The following RTN4 variants were observed in gnomAD, a reference collection of about 807,000 sequenced individuals.
RTN4 encodes reticulon-4.
Under a neutral mutation model 90.4 loss-of-function variants are expected in RTN4, and 32 were observed. The observed-to-expected ratio is 0.35, with a 90% CI of 0.27 to 0.48. RTN4 has a LOEUF of 0.48. Among genes scored for constraint, RTN4 ranks in the 20% least tolerant of loss-of-function variants. RTN4 has a pLI of 0.99. For missense variants in RTN4, 1,706 were observed against 1,430.2 expected (o/e 1.19, Z -3.11); for synonymous variants, 629 against 552.5 (o/e 1.14, Z -1.94).
chr2:55,019,234 T>G (rs1681254124), intron 3 of RTN4, among the ~76,000 whole-genome samples: 1 of 152,206 alleles, frequency 6.6e-6, no homozygotes, highest in Non-Finnish European at 1.5e-5. Context: ...ACAGGAATGC[T>G]GAGGGTCAAA....
chr2:55,010,780 T>C (rs752145125), intron 3 of RTN4, among the ~76,000 whole-genome samples: 38 of 152,188 alleles, frequency 2.5e-4, no homozygotes, highest in Admixed American at 7.2e-4. Flanking sequence ...ATTGAACATA[T>C]TATTTGAACA....
chr2:55,000,569 T>A (rs1000377596), intron 3 of RTN4, among the ~76,000 whole-genome samples: 1 of 152,198 alleles, frequency 6.6e-6, no homozygotes, highest in African/African-American at 2.4e-5. Flanking sequence ...GCTGAGTACA[T>A]TGTATACATT....
In RTN4 at chr2:54,978,978, T is replaced by C. The variant is rs138578508; in HGVS notation, c.3360+3537A>G. On this transcript the variant is annotated intron_variant, in intron 5 of 8. Transcript: ENST00000337526. Reference sequence around the variant, plus strand: ...TAGGGTGACAGAATATAACTTTCCCTACCAGTTTTTGTGGCTAAAAGGCAA... The same window carrying C: ...TAGGGTGACAGAATATAACTTTCCCCACCAGTTTTTGTGGCTAAAAGGCAA... Among the ~76,000 whole-genome samples the C allele has an allele frequency of 1.9e-3, 296 of 152,252 alleles. 3 individuals carry two copies. Among genetic ancestry groups the C allele is most frequent in the Non-Finnish European group, 2.9e-4 (20 of 68,022 alleles).
At chr2:55,016,645 A>G (rs1031068477) in intron 3 of RTN4, among the ~76,000 whole-genome samples, 1 of 152,204 alleles carries the variant, frequency 6.6e-6, no homozygotes, top group Non-Finnish European at 1.5e-5. Flanking sequence ...ATATTCTAAA[A>G]TATTAAACAT....
intron 1 of RTN4, among the ~76,000 whole-genome samples, chr2:55,030,978 C>T (rs1329182424): frequency 1.3e-5 from 2 of 152,216 alleles, no homozygotes; most frequent in East Asian, 1.9e-4. Context: ...TGTGCTGAGC[C>T]GGCACATTTG....
intron 1 of RTN4, among the ~76,000 whole-genome samples, chr2:55,034,275 A>G (rs1347711165): frequency 6.6e-6 from 1 of 152,140 alleles, no homozygotes; most frequent in African/African-American, 2.4e-5. Flanking sequence ...CTGGGGTAGG[A>G]GGATTGCTTG....
intron 1 of RTN4, among the ~76,000 whole-genome samples, chr2:55,097,775 C>T (rs536163227): frequency 3.9e-4 from 60 of 152,160 alleles, no homozygotes; most frequent in African/African-American, 1.4e-3. Context: ...AGAGCTGACA[C>T]TTGAACAGGC....
upstream of RTN4, among the ~76,000 whole-genome samples, chr2:55,055,641 G>A (rs926999528): frequency 6.6e-6 from 1 of 151,884 alleles, no homozygotes. Flanking sequence ...GTGGTGGCGG[G>A]CGCCTGTAGT....
intron 4 of RTN4, among the ~76,000 whole-genome samples, chr2:54,984,829 G>C (rs908050749): frequency 6.6e-6 from 1 of 152,172 alleles, no homozygotes; most frequent in Admixed American, 6.5e-5. Flanking sequence ...TTTCTAGCCA[G>C]GCACAGTGGT....
intron 1 of RTN4, among the ~76,000 whole-genome samples, chr2:55,087,545 A>T (rs533587072): frequency 1.3e-5 from 2 of 152,208 alleles, no homozygotes; most frequent in South Asian, 4.1e-4. Flanking sequence ...GTTCCAATTT[A>T]TTCTCTTTCA....
intron 5 of RTN4, among the ~76,000 whole-genome samples, chr2:54,976,299 T>C (rs1677626885): frequency 6.6e-6 from 1 of 152,182 alleles, no homozygotes; most frequent in African/African-American, 2.4e-5. Context: ...CCTGAGCCAC[T>C]GTAGGGGCTC....
At position 55,103,822 on chromosome 2, in the gene RTN4, G is replaced by A. The variant is rs941266772; in HGVS notation, c.-214+8698C>T. ...CGATTCTCCTGCCCCAGTCTCCCAA[G>A]TAGCTAGAATTACAGGCTCCCACCA... On this transcript the variant is annotated intron_variant, in intron 1 of 3. Transcript: ENST00000427710. Among the ~76,000 whole-genome samples, 10 of 151,756 alleles carry A rather than the reference G, an allele frequency of 6.6e-5. No homozygotes were observed. In the East Asian group the frequency reaches 9.7e-4, roughly 15 times the overall value.
the RTN4 span, among the ~76,000 whole-genome samples, chr2:55,121,283 T>A: frequency 6.6e-6 from 1 of 152,200 alleles, no homozygotes; most frequent in Non-Finnish European, 1.5e-5. Context: ...GTAAAAAATC[T>A]TGTGTTGAGT....
chr2:55,071,019 T>G (rs13403423), intron 2 of RTN4, among the ~76,000 whole-genome samples: 137,980 of 150,848 alleles, frequency 0.91, 63,226 homozygotes, highest in Middle Eastern at 0.98. Context: ...CTCGTGATCT[T>G]CCCACCTCGG....
At chr2:55,037,489 A>C (rs1388002734) in intron 1 of RTN4, among the ~76,000 whole-genome samples, 1 of 152,240 alleles carries the variant, frequency 6.6e-6, no homozygotes, top group Non-Finnish European at 1.5e-5. Flanking sequence ...ACAACCTGCT[A>C]CAGGTGCAGA....
At chr2:55,106,710 G>A (rs986057483) in intron 1 of RTN4, among the ~76,000 whole-genome samples, 1 of 151,862 alleles carries the variant, frequency 6.6e-6, no homozygotes, top group Non-Finnish European at 1.5e-5. Flanking sequence ...AGTAGAGATG[G>A]GGTTTCACCA....
At position 55,049,558 on chromosome 2, in the gene RTN4, C is replaced by T. The variant is rs7583051; in HGVS notation, c.556+187G>A. ...ACCAAGACGGACAATAAGAACAAAC[C>T]CGGGCTCCAAGGGCCGCCCCACCCT... On this transcript the variant is annotated intron_variant, in intron 1 of 8. Coordinates refer to ENST00000337526, the MANE Select transcript of RTN4 (RefSeq NM_020532.5). 3,170 of 945,676 alleles carry T rather than the reference C, an allele frequency of 3.4e-3. 70 individuals are homozygous for T. The African/African-American group carries it at 0.045, about 14-fold the overall frequency. 58.6% of individuals were successfully genotyped at this position (945,676 alleles called of 1,614,324 possible).
intron 3 of RTN4, among the ~76,000 whole-genome samples, chr2:54,997,190 C>A (rs904926989): frequency 6.6e-6 from 1 of 151,978 alleles, no homozygotes; most frequent in African/African-American, 2.4e-5. Context: ...TTAAAATAGA[C>A]AACAGATTTG....
chr2:55,100,481 G>T (rs1667832882), intron 1 of RTN4, among the ~76,000 whole-genome samples: 1 of 152,040 alleles, frequency 6.6e-6, no homozygotes, highest in South Asian at 2.1e-4. Flanking sequence ...CTTTCGTCAG[G>T]TTCGAGGAGT....
Sources: allele counts gnomAD v4.1 joint callset (sites outside exome capture counted in the v4.1 genomes callset), GRCh38; gene constraint gnomAD v4.1.1; transcripts MANE v1.5; gene names NCBI Gene and HGNC (gene_info 2026-07-23, HGNC 2026-07-21).